Variants in LTBP1 observed in about 807,000 individuals in gnomAD.
LTBP1 encodes the protein latent-transforming growth factor beta-binding protein 1.
LTBP1 carries 129 observed loss-of-function variants against 207.6 expected under a neutral mutation model. The ratio of observed to expected loss-of-function variants is 0.62; its 90% CI spans 0.54 to 0.72. The LOEUF is 0.72. Ranked by LOEUF, LTBP1 falls within the 30% of genes least tolerant of loss-of-function variation. The pLI, the probability that LTBP1 is intolerant of heterozygous loss-of-function variation, is 0.00. For synonymous variants in LTBP1, 963 were observed against 833.7 expected, an observed-to-expected ratio of 1.16 and a Z score of -2.67; for missense variants, 2,281 against 2,217.2, an observed-to-expected ratio of 1.03 and a Z score of -0.58.
chr2:33,182,010 A>G (rs1351886865), intron 5 of LTBP1, among the ~76,000 whole-genome samples: 1 of 152,236 alleles, frequency 6.6e-6, no homozygotes, highest in Non-Finnish European at 1.5e-5. Flanking sequence ...ATACATACTT[A>G]TTGAGCTGAG....
At chr2:33,227,522 A>C (rs1428997053) in intron 9 of LTBP1, among the ~76,000 whole-genome samples, 1 of 152,172 alleles carries the variant, frequency 6.6e-6, no homozygotes, top group Non-Finnish European at 1.5e-5. Context: ...TTTTGGCCTG[A>C]AAATCAATCC....
chr2:33,121,746 A>G (rs1456881773), intron 4 of LTBP1, among the ~76,000 whole-genome samples: 4 of 152,192 alleles, frequency 2.6e-5, no homozygotes, highest in Non-Finnish European at 4.4e-5. Flanking sequence ...TCGTCAGTCA[A>G]AAATACTGTA....
intron 20 of LTBP1, among the ~76,000 whole-genome samples, chr2:33,295,354 C>T (rs1372096421): frequency 6.6e-6 from 1 of 151,962 alleles, no homozygotes; most frequent in African/African-American, 2.4e-5. Context: ...TGGTGAAACC[C>T]TGTCTCTACT....
chr2:33,066,731 G>A (rs1324488467), intron 3 of LTBP1, among the ~76,000 whole-genome samples: 1 of 152,128 alleles, frequency 6.6e-6, no homozygotes, highest in African/African-American at 2.4e-5. Flanking sequence ...TTTCATTATA[G>A]CAGAATTTCT....
intron 7 of LTBP1, among the ~76,000 whole-genome samples, chr2:33,213,714 A>G (rs1422185983): frequency 1.3e-5 from 2 of 152,242 alleles, no homozygotes; most frequent in Non-Finnish European, 2.9e-5. Flanking sequence ...TCATAGTTAA[A>G]TAACTGAAGG....
intron 2 of LTBP1, among the ~76,000 whole-genome samples, chr2:32,965,983 A>G (rs1045514079): frequency 1.3e-5 from 2 of 152,192 alleles, no homozygotes; most frequent in Non-Finnish European, 2.9e-5. Flanking sequence ...CCACTTCCTC[A>G]TCAGCATTTA....
At chr2:33,308,204 A>G (rs1405678739) in intron 22 of LTBP1, among the ~76,000 whole-genome samples, 5 of 152,218 alleles carry the variant, frequency 3.3e-5, no homozygotes, top group South Asian at 2.1e-4. Context: ...AGGGGTAAAC[A>G]TGGTAATCAG....
intron 18 of LTBP1, among the ~76,000 whole-genome samples, chr2:33,277,635 T>C (rs1249261437): frequency 6.6e-6 from 1 of 151,892 alleles, no homozygotes; most frequent in African/African-American, 2.4e-5. Flanking sequence ...TTTGTATAGA[T>C]CTCAAGCACC....
chr2:33,188,502 C>CT (rs1170076269), intron 6 of LTBP1, 75 bp from the exon 7 acceptor site: 4 of 1,142,672 alleles, frequency 3.5e-6, no homozygotes, highest in Non-Finnish European at 4.9e-6. Context: ...ATAAAATTTA[C>CT]TTTCATGTTT....
chr2:33,115,395 G>A (rs752063210), intron 4 of LTBP1, among the ~76,000 whole-genome samples: 3 of 152,136 alleles, frequency 2.0e-5, no homozygotes, highest in Non-Finnish European at 2.9e-5. Context: ...TTCTTTTGGG[G>A]TGATGAAAAT....
intron 5 of LTBP1, among the ~76,000 whole-genome samples, chr2:33,184,023 G>A (rs2086928134): frequency 1.3e-5 from 2 of 151,900 alleles, no homozygotes; most frequent in Admixed American, 1.3e-4. Context: ...TTTTCCTCCT[G>A]TGTCCCATCA....
intron 26 of LTBP1, among the ~76,000 whole-genome samples, chr2:33,357,552 T>C (rs1172368176): frequency 6.6e-6 from 1 of 152,230 alleles, no homozygotes; most frequent in Admixed American, 6.5e-5. Context: ...CAGCACCTTC[T>C]ATCTCATATA....
At chr2:33,100,379 A>G (rs1382287434) in intron 3 of LTBP1, among the ~76,000 whole-genome samples, 1 of 152,114 alleles carries the variant, frequency 6.6e-6, no homozygotes, top group African/African-American at 2.4e-5. Flanking sequence ...GCTGAGATGA[A>G]CAAGACTTGA....
At chr2:33,187,461 A>G (rs2087334319) in intron 6 of LTBP1, among the ~76,000 whole-genome samples, 1 of 151,994 alleles carries the variant, frequency 6.6e-6, no homozygotes, top group Non-Finnish European at 1.5e-5. Context: ...CCTGCTGGTG[A>G]ACTTCACAAT....
At chr2:33,334,235 T>C (rs1456349388) in intron 24 of LTBP1, among the ~76,000 whole-genome samples, 1 of 152,124 alleles carries the variant, frequency 6.6e-6, no homozygotes, top group African/African-American at 2.4e-5. Context: ...TATGGAATGA[T>C]CCAATAGAGA....
intron 9 of LTBP1, among the ~76,000 whole-genome samples, chr2:33,231,636 C>G (rs1478075871): frequency 6.6e-6 from 1 of 151,948 alleles, no homozygotes; most frequent in Non-Finnish European, 1.5e-5. Flanking sequence ...TTTGAGAACC[C>G]TAGATAAATG....
intron 2 of LTBP1, among the ~76,000 whole-genome samples, chr2:32,978,635 A>G (rs748152596): frequency 7.6e-6 from 1 of 131,650 alleles, no homozygotes; most frequent in Non-Finnish European, 1.7e-5. Flanking sequence ...ATTAATGTTT[A>G]TTAAGGATAT....
chr2:33,293,741 A>G (rs1361932810), intron 20 of LTBP1, among the ~76,000 whole-genome samples: 1 of 152,202 alleles, frequency 6.6e-6, no homozygotes, highest in Admixed American at 6.5e-5. Flanking sequence ...AATGTCATTA[A>G]TGAATATTCA....
At chr2:33,050,123 C>T (rs948673844) in intron 3 of LTBP1, among the ~76,000 whole-genome samples, 2 of 146,106 alleles carry the variant, frequency 1.4e-5, no homozygotes, top group African/African-American at 2.5e-5. Flanking sequence ...GGATTATAGG[C>T]GTAAGCATTT....
Sources: allele counts gnomAD v4.1 joint callset (sites outside exome capture counted in the v4.1 genomes callset), GRCh38; gene constraint gnomAD v4.1.1; transcripts MANE v1.5; gene names NCBI Gene and HGNC (gene_info 2026-07-23, HGNC 2026-07-21).